CALY: variants seen among roughly 807,000 people sequenced by gnomAD.
The protein encoded by CALY is calcyon neuron specific vesicular protein, also known as neuron-specific vesicular protein calcyon.
In CALY, 15 loss-of-function variants were observed where a neutral mutation model predicts 20.2. That is an observed-to-expected ratio of 0.74 (90% CI 0.50 to 1.14). The LOEUF is 1.14. Ranked by LOEUF, CALY falls within the 50% of genes most tolerant of loss-of-function variation. The pLI, the probability that CALY is intolerant of heterozygous loss-of-function variation, is 0.00. For synonymous variants in CALY, 129 were observed against 131.8 expected, an observed-to-expected ratio of 0.98 and a Z score of 0.15; for missense variants, 270 against 304.4, an observed-to-expected ratio of 0.89 and a Z score of 0.84.
intron 1 of CALY, among the ~76,000 whole-genome samples, chr10:133,332,298 G>A (rs994986347): frequency 2.6e-5 from 4 of 152,108 alleles, no homozygotes; most frequent in Admixed American, 6.6e-5. Flanking sequence ...TCAGTAAACC[G>A]CTGTCCACAT....
chr10:133,336,575 G>T (rs1024675366), intron 1 of CALY, among the ~76,000 whole-genome samples: 72 of 152,112 alleles, frequency 4.7e-4, no homozygotes, highest in African/African-American at 1.7e-3. Context: ...CACCGCCCTC[G>T]GGTCCGCGGG....
intron 1 of CALY, among the ~76,000 whole-genome samples, chr10:133,335,635 C>T (rs865783419): frequency 1.4e-4 from 21 of 152,232 alleles, no homozygotes; most frequent in African/African-American, 4.1e-4. Context: ...CCCCCCCACC[C>T]CACACACCAG....
intron 1 of CALY, among the ~76,000 whole-genome samples, chr10:133,334,586 G>A (rs1333770292): frequency 6.7e-6 from 1 of 149,994 alleles, no homozygotes; most frequent in Non-Finnish European, 1.5e-5. Context: ...AGGACATGAG[G>A]GAGAAGGATC....
chr10:133,325,995 C>T lies in CALY; in HGVS notation c.486G>A (p.Pro162=), dbSNP rs1322811482. The T allele has an allele frequency of 1.3e-6, 2 of 1,565,032 alleles. No homozygotes were observed. The highest frequency in any genetic ancestry group is 1.7e-6 in the Non-Finnish European group (2 of 1,154,988). ...PLSRKHGTET[P]AAWGDGYRAA... is the part of the protein sequence containing the mutation. ...CGCGGTAGCCGTCCCCCCAGGCCGC[C>T]GGCGTCTCCGTGCCGTGCTTGCGGC... The change falls in exon 5 of 6, where the codon CCG becomes CCA. Residue 162 remains proline, a synonymous_variant. Coordinates refer to ENST00000252939, the MANE Select transcript of CALY (RefSeq NM_015722.4).
Position 133,324,250 on chromosome 10 carries a change from G to A in CALY, c.*1345C>T, listed in dbSNP as rs1335527388. The A allele has an allele frequency of 2.3e-6, 1 of 432,460 alleles. No individual in the cohort carries two copies. The highest frequency in any genetic ancestry group is 2.4e-5 in the Admixed American group (1 of 41,432). The allele number at this position is 432,460 out of a possible 1,614,324, so 26.8% of individuals were successfully genotyped here. A position where few individuals can be genotyped will look rare whatever the true frequency, so the allele number is the denominator to read the frequency against. ...GCCCTTAGAAGCCCAGCAGTGAAGG[G>A]TGTGGTGTGCATGGCCCTGCCTTCC... On this transcript the variant is annotated 3_prime_UTR_variant, in exon 6 of 6. Transcript: ENST00000252939.
At chr10:133,327,479 C>A in intron 3 of CALY, 1 of 562,122 alleles carries the variant, frequency 1.8e-6, no homozygotes, top group Non-Finnish European at 3.1e-6. Flanking sequence ...TGGAAACAGT[C>A]CACTAAAAAT....
chr10:133,334,770 C>T (rs1018767682), intron 1 of CALY, among the ~76,000 whole-genome samples: 13 of 152,088 alleles, frequency 8.5e-5, no homozygotes, highest in African/African-American at 3.1e-4. Context: ...AGGAGCTAGG[C>T]GAGGGGAGAC....
chr10:133,324,471 T>A lies in CALY; in HGVS notation c.*1124A>T. 1 of 117,512 alleles carries A rather than the reference T, an allele frequency of 8.5e-6. No homozygotes were observed. Among genetic ancestry groups the A allele is most frequent in the South Asian group, 5.8e-5 (1 of 17,380 alleles). The allele number at this position is 117,512 out of a possible 1,614,324, so 7.3% of individuals were successfully genotyped here. A position where few individuals can be genotyped will look rare whatever the true frequency, so the allele number is the denominator to read the frequency against. On this transcript the variant is annotated 3_prime_UTR_variant, in exon 6 of 6. Coordinates refer to ENST00000252939, the MANE Select transcript of CALY (RefSeq NM_015722.4). Reference sequence around the variant, plus strand: ...ATCCACCAATGGTCGGGGGCTGGGGTGGGCGGGGCTGCAGAGCCGCTGCTG... The same window carrying A: ...ATCCACCAATGGTCGGGGGCTGGGGAGGGCGGGGCTGCAGAGCCGCTGCTG...
intron 1 of CALY, among the ~76,000 whole-genome samples, chr10:133,331,966 A>C (rs1175013568): frequency 6.6e-6 from 1 of 152,146 alleles, no homozygotes; most frequent in Admixed American, 6.6e-5. Context: ...GTCTCGACTA[A>C]AAATACAAAA....
At chr10:133,328,078 C>G (rs1337730297) in intron 2 of CALY, 63 bp from the exon 3 acceptor site, 3 of 981,740 alleles carry the variant, frequency 3.1e-6, no homozygotes, top group Non-Finnish European at 4.8e-6. Flanking sequence ...GAGCCCTGAA[C>G]TGAGAGGGGA....
At chr10:133,325,759 C>A in intron 5 of CALY, 40 bp downstream of exon 5, 1 of 953,698 alleles carries the variant, frequency 1.0e-6, no homozygotes. Flanking sequence ...CAGGAAGAGA[C>A]CTGGGCAGAG....
chr10:133,331,627 C>T (rs1051903203), intron 1 of CALY, among the ~76,000 whole-genome samples: 1 of 152,064 alleles, frequency 6.6e-6, no homozygotes, highest in Non-Finnish European at 1.5e-5. Context: ...CGACAGAGAC[C>T]AAGAAAAGCT....
chr10:133,327,022 C>A, intron 3 of CALY, 31 bp from the exon 4 acceptor site: 1 of 1,492,104 alleles, frequency 6.7e-7, no homozygotes, highest in Non-Finnish European at 9.2e-7. Flanking sequence ...GGCTCAGCCA[C>A]GCCAGGCAGG....
At chr10:133,330,091 A>G (rs563616909) in intron 1 of CALY, among the ~76,000 whole-genome samples, 41 of 152,352 alleles carry the variant, frequency 2.7e-4, no homozygotes, top group African/African-American at 9.1e-4. Flanking sequence ...TTCTAGAGAA[A>G]AGGAATGCAG....
rs755051471 is a variant in CALY, at chr10:133,327,923, G to A, written c.228C>T (p.His76=). Residue 76 remains histidine (H), a synonymous_variant, in exon 3 of 6, where the codon CAC becomes CAT. Transcript: ENST00000252939. ...TGGTTACCCTGCGCCCTTCCTCTGGGTGGCTGCAGTTCAGCCTCTGGCCCT... is the reference window on the plus strand; with the variant it reads ...TGGTTACCCTGCGCCCTTCCTCTGGATGGCTGCAGTTCAGCCTCTGGCCCT... The part of the protein sequence containing the change: ...DLEGQRLNCS[H]PEEGRRLPTA... 4 of 1,612,146 alleles carry A rather than the reference G, an allele frequency of 2.5e-6. No individual in the cohort carries two copies. Among genetic ancestry groups the A allele is most frequent in the Non-Finnish European group, 3.4e-6 (4 of 1,178,830 alleles).
intron 1 of CALY, among the ~76,000 whole-genome samples, chr10:133,330,487 C>G (rs1366799989): frequency 6.7e-6 from 1 of 149,278 alleles, no homozygotes; most frequent in Non-Finnish European, 1.5e-5. Context: ...GAAACCCCGT[C>G]TCTACTAAAA....
Position 133,325,908 on chromosome 10 carries a change from G to T in CALY, c.573C>A (p.Pro191=). ...CCGCCTTGGCCGACGGCTTCCCGGG[G>T]GGTTCGGTGGCCGCCGCCGCCGCCC... ...QAGAAAAATE[P]PGKPSAKAEK... Residue 191 remains proline, a synonymous_variant, in exon 5 of 6, where the codon CCC becomes CCA. Transcript: ENST00000252939. 1 of 1,296,474 alleles carries T rather than the reference G, an allele frequency of 7.7e-7. No homozygotes were observed. The highest frequency in any genetic ancestry group is 2.9e-4 in the Middle Eastern group (1 of 3,466). The allele number at this position is 1,296,474 out of a possible 1,614,324, so 80.3% of individuals were successfully genotyped here.
At chr10:133,328,815 G>A (rs182655149) in intron 2 of CALY, 40 bp downstream of exon 2, 3 of 1,520,528 alleles carry the variant, frequency 2.0e-6, no homozygotes, top group Non-Finnish European at 2.6e-6. Flanking sequence ...TGTTCCCAGG[G>A]GAGCCTGAGA....
intron 3 of CALY, among the ~76,000 whole-genome samples, 172 bp from the exon 4 acceptor site, chr10:133,327,163 G>A (rs1227467292): frequency 1.3e-5 from 2 of 152,236 alleles, no homozygotes; most frequent in African/African-American, 2.4e-5. Context: ...CAAGTGTGCA[G>A]GCGTCACCCC....
Sources: allele counts gnomAD v4.1 joint callset (sites outside exome capture counted in the v4.1 genomes callset), GRCh38; gene constraint gnomAD v4.1.1; transcripts MANE v1.5; gene names NCBI Gene and HGNC (gene_info 2026-07-23, HGNC 2026-07-21).